B3GAT2: variants seen among roughly 807,000 people sequenced by gnomAD.
The protein encoded by B3GAT2 is beta-1,3-glucuronyltransferase 2.
Under a neutral mutation model 27.8 loss-of-function variants are expected in B3GAT2, and 26 were observed. That is an observed-to-expected ratio of 0.93 (90% CI 0.68 to 1.30). The LOEUF (loss-of-function observed/expected upper bound fraction) is 1.30, where lower values mean the gene tolerates loss of function less well. B3GAT2 is among the 50% of genes most tolerant of loss of function. The pLI, the probability that B3GAT2 is intolerant of heterozygous loss-of-function variation, is 0.00. For missense variants in B3GAT2, 458 were observed against 459.0 expected (o/e 1.00, Z 0.02); for synonymous variants, 218 against 195.1 (o/e 1.12, Z -0.98).
rs199866277 is a variant in B3GAT2, at chr6:70,908,817, G to GA, written c.592-14546dup. ...TTATCTCTATACTCAAAATCTAAGA[G>GA]AAAAAAAAATTCTCAGGTTCTCCTG... On this transcript the variant is annotated intron_variant, in intron 1 of 3. Transcript: ENST00000230053. Among the ~76,000 whole-genome samples, 870 of 151,288 alleles carry GA rather than the reference G, an allele frequency of 5.8e-3. 5 individuals are homozygous for GA. Among genetic ancestry groups the GA allele is most frequent in the Middle Eastern group, 0.041 (12 of 292 alleles).
In B3GAT2 at chr6:70,860,366, C is replaced by T. The variant is rs1771663086; in HGVS notation, c.*1297G>A. The T allele has an allele frequency of 6.3e-7, 1 of 1,584,586 alleles. No homozygotes were observed. The highest frequency in any genetic ancestry group is 1.2e-5 in the South Asian group (1 of 86,196). The stretch of plus-strand genomic sequence containing the variant: ...CAATACAAGTTTCATCCAGAACTAC[C>T]ACCTGACATTCCTTGCTGAAACGCA... On this transcript the variant is annotated 3_prime_UTR_variant, in exon 4 of 4. Transcript: ENST00000230053.
At chr6:70,895,462 C>G (rs999714622) in intron 1 of B3GAT2, among the ~76,000 whole-genome samples, 11 of 136,908 alleles carry the variant, frequency 8.0e-5, no homozygotes, top group African/African-American at 2.6e-4. Context: ...CCTGGTTTTA[C>G]TTATTATTAT....
chr6:70,945,651 C>T (rs983508954), intron 1 of B3GAT2, among the ~76,000 whole-genome samples: 1 of 148,272 alleles, frequency 6.7e-6, no homozygotes, highest in Non-Finnish European at 1.5e-5. Flanking sequence ...ACACTCGGCA[C>T]GATATTATCC....
In B3GAT2 at chr6:70,957,036, T is replaced by C. The variant is rs1024922497; in HGVS notation, c.-607A>G. ...CTCTCAGTCCCTTGCTCTTGTCTTC[T>C]CAGAACCTCTCCGGATCCAGCAGCA... On this transcript the variant is annotated 5_prime_UTR_variant, in exon 1 of 4. Transcript: ENST00000230053. 1.1e-4 allele frequency: 104 copies of C among 987,232 alleles called. No homozygotes were observed. Among genetic ancestry groups the C allele is most frequent in the Non-Finnish European group, 4.1e-5 (34 of 831,554 alleles). 61.2% of individuals were successfully genotyped at this position (987,232 alleles called of 1,614,324 possible).
chr6:70,895,029 T>G (rs980424056), intron 1 of B3GAT2, among the ~76,000 whole-genome samples: 5 of 152,132 alleles, frequency 3.3e-5, no homozygotes, highest in African/African-American at 1.2e-4. Flanking sequence ...ACCACCTTTT[T>G]CCAGGGCTCA....
chr6:70,935,974 C>T (rs1457183898), intron 1 of B3GAT2, among the ~76,000 whole-genome samples: 2 of 151,526 alleles, frequency 1.3e-5, no homozygotes, highest in Admixed American at 1.3e-4. Context: ...GATAAAGAGT[C>T]AAGACCCATC....
intron 1 of B3GAT2, among the ~76,000 whole-genome samples, chr6:70,929,478 G>A (rs1463304165): frequency 6.6e-6 from 1 of 152,180 alleles, no homozygotes; most frequent in Non-Finnish European, 1.5e-5. Flanking sequence ...ATCTCCTTAA[G>A]CTGATAAGCA....
At chr6:70,863,758 T>C (rs1280741702) in intron 2 of B3GAT2, among the ~76,000 whole-genome samples, 1 of 152,204 alleles carries the variant, frequency 6.6e-6, no homozygotes, top group Non-Finnish European at 1.5e-5. Flanking sequence ...AAAATACTAT[T>C]GTCAGTGTGA....
chr6:70,909,223 T>C (rs1382663857), intron 1 of B3GAT2, among the ~76,000 whole-genome samples: 2 of 152,156 alleles, frequency 1.3e-5, no homozygotes, highest in Admixed American at 1.3e-4. Flanking sequence ...TAAATAAGGC[T>C]TTGCTTACAG....
chr6:70,929,236 A>G (rs9455253), intron 1 of B3GAT2, among the ~76,000 whole-genome samples: 7,571 of 152,180 alleles, frequency 0.05, 202 homozygotes, highest in African/African-American at 0.066. Context: ...ATTAGGAGAT[A>G]TACCTAATGT....
chr6:70,941,442 A>C (rs765980298), intron 1 of B3GAT2, among the ~76,000 whole-genome samples: 1 of 152,124 alleles, frequency 6.6e-6, no homozygotes, highest in Non-Finnish European at 1.5e-5. Flanking sequence ...TGTTACGCCT[A>C]TGTGAGCTCC....
chr6:70,860,450 T>G lies in B3GAT2; in HGVS notation c.*1213A>C, dbSNP rs1257481234. The G allele has an allele frequency of 8.1e-7, 1 of 1,238,916 alleles. No individual in the cohort carries two copies. The highest frequency in any genetic ancestry group is 1.1e-6 in the Non-Finnish European group (1 of 906,744). 76.7% of individuals were successfully genotyped at this position (1,238,916 alleles called of 1,614,324 possible). A position where few individuals can be genotyped will look rare whatever the true frequency, so the allele number is the denominator to read the frequency against. On this transcript the variant is annotated 3_prime_UTR_variant, in exon 4 of 4. Coordinates refer to ENST00000230053, the MANE Select transcript of B3GAT2 (RefSeq NM_080742.3). ...TTTTCTTTTTACCCATTTGTTCATA[T>G]TAAGAATGATCTGATTGACCGTGTT...
At chr6:70,896,562 G>A (rs1458406209) in intron 1 of B3GAT2, among the ~76,000 whole-genome samples, 3 of 151,930 alleles carry the variant, frequency 2.0e-5, no homozygotes, top group South Asian at 2.1e-4. Context: ...ATCACCCATC[G>A]CCAGGAAACC....
chr6:70,919,239 G>A (rs1349675485), intron 1 of B3GAT2, among the ~76,000 whole-genome samples: 1 of 152,122 alleles, frequency 6.6e-6, no homozygotes, highest in South Asian at 2.1e-4. Flanking sequence ...ATGGTTTTAA[G>A]CTCTATCATG....
intron 2 of B3GAT2, among the ~76,000 whole-genome samples, chr6:70,882,013 A>C (rs572268576): frequency 6.6e-6 from 1 of 152,222 alleles, no homozygotes; most frequent in Admixed American, 6.5e-5. Context: ...ACAGTTAATT[A>C]TAAAAAAGAC....
chr6:70,876,201 A>C (rs555292528), intron 2 of B3GAT2, among the ~76,000 whole-genome samples: 23 of 152,324 alleles, frequency 1.5e-4, no homozygotes, highest in Middle Eastern at 3.4e-3. Context: ...AACCCAGAAA[A>C]TATAGCAGAG....
chr6:70,884,187 G>C (rs904942520), intron 2 of B3GAT2, among the ~76,000 whole-genome samples: 5 of 151,836 alleles, frequency 3.3e-5, no homozygotes, highest in Non-Finnish European at 7.4e-5. Flanking sequence ...CTCCTAGGTG[G>C]AGCTCAAGTG....
At chr6:70,881,104 T>C (rs1380365908) in intron 2 of B3GAT2, among the ~76,000 whole-genome samples, 1 of 152,214 alleles carries the variant, frequency 6.6e-6, no homozygotes, top group Non-Finnish European at 1.5e-5. Context: ...GAAGAATTCC[T>C]GGAGGATTCT....
intron 2 of B3GAT2, among the ~76,000 whole-genome samples, chr6:70,891,890 C>G (rs1033061137): frequency 1.3e-5 from 2 of 152,014 alleles, no homozygotes; most frequent in African/African-American, 2.4e-5. Flanking sequence ...GGAATCTAAA[C>G]AAAGCCACAA....
Sources: allele counts gnomAD v4.1 joint callset (sites outside exome capture counted in the v4.1 genomes callset), GRCh38; gene constraint gnomAD v4.1.1; transcripts MANE v1.5; gene names NCBI Gene and HGNC (gene_info 2026-07-23, HGNC 2026-07-21).